The following CDH18 variants were observed in gnomAD, a reference collection of about 807,000 sequenced individuals.
CDH18 encodes cadherin 18, also known as cadherin-18.
CDH18 carries 31 observed loss-of-function variants against 67.9 expected under a neutral mutation model. That is an observed-to-expected ratio of 0.46 (90% CI 0.34 to 0.62). The LOEUF (loss-of-function observed/expected upper bound fraction) is 0.62. Among genes scored for constraint, CDH18 ranks in the 20% least tolerant of loss-of-function variants. The probability of loss-of-function intolerance (pLI) is 0.01; values close to 1 mark genes in which losing one functional copy is unlikely to be tolerated. For missense variants in CDH18, 890 were observed against 975.5 expected (o/e 0.91, Z 1.17); for synonymous variants, 362 against 347.2 (o/e 1.04, Z -0.48).
chr5:19,880,964 T>C (rs1787578710), intron 2 of CDH18, among the ~76,000 whole-genome samples: 1 of 152,162 alleles, frequency 6.6e-6, no homozygotes, highest in African/African-American at 2.4e-5. Flanking sequence ...AATTTCTATT[T>C]ACTCTTACTT....
intron 8 of CDH18, among the ~76,000 whole-genome samples, chr5:19,544,449 AT>A (rs979123679): frequency 5.9e-4 from 90 of 152,212 alleles, no homozygotes; most frequent in Non-Finnish European, 1.5e-4. Flanking sequence ...AGGTTTAAAA[AT>A]AATATAAAAT....
At position 20,561,652 on chromosome 5, in the gene CDH18, G is replaced by A. The variant is rs139396662; in HGVS notation, c.-580+13810C>T. ...TTTTTTAGGGAAGCTCAACTATTCT[G>A]TATGATTCTATAATAGTGAATACAT... On this transcript the variant is annotated intron_variant, in intron 1 of 14. Transcript: ENST00000507958. Among the ~76,000 whole-genome samples, 27 of 152,046 alleles carry A rather than the reference G, an allele frequency of 1.8e-4. No individual in the cohort carries two copies. In the East Asian group the frequency reaches 4.6e-3, roughly 26 times the overall value.
intron 8 of CDH18, among the ~76,000 whole-genome samples, chr5:19,561,709 A>G (rs559923577): frequency 6.6e-6 from 1 of 152,266 alleles, no homozygotes; most frequent in African/African-American, 2.4e-5. Context: ...TAAATGTGTT[A>G]TAATTATGTT....
chr5:19,662,430 T>C (rs887170919), intron 5 of CDH18, among the ~76,000 whole-genome samples: 7 of 152,048 alleles, frequency 4.6e-5, no homozygotes, highest in South Asian at 2.1e-4. Flanking sequence ...AAGGTAAATA[T>C]AACCATACAA....
At chr5:19,491,039 G>A (rs1456560697) in intron 11 of CDH18, among the ~76,000 whole-genome samples, 1 of 152,142 alleles carries the variant, frequency 6.6e-6, no homozygotes, top group Non-Finnish European at 1.5e-5. Flanking sequence ...GGTCAAGATT[G>A]TATACATGCT....
rs555342682 is a variant in CDH18, at chr5:20,443,340, C to G, written c.-580+132122G>C. ...GATACATCCATCGTAAATGGTAAAA[C>G]TATGTTTGGTATCCCTAAACCACAT... On this transcript the variant is annotated intron_variant, in intron 1 of 14. Coordinates refer to the CDH18 transcript ENST00000507958. Among the ~76,000 whole-genome samples the G allele has an allele frequency of 3.0e-4, 45 of 150,636 alleles. 1 individual carries two copies. Among genetic ancestry groups the G allele is most frequent in the African/African-American group, 1.1e-3 (44 of 40,730 alleles).
At chr5:19,802,347 A>C (rs1777557641) in intron 3 of CDH18, among the ~76,000 whole-genome samples, 1 of 152,156 alleles carries the variant, frequency 6.6e-6, no homozygotes. Context: ...TTTTAGTTTT[A>C]TATATATAAC....
At chr5:20,437,541 G>T (rs1355578226) in intron 1 of CDH18, among the ~76,000 whole-genome samples, 6 of 150,996 alleles carry the variant, frequency 4.0e-5, no homozygotes, top group Non-Finnish European at 5.9e-5. Context: ...TTTATGAGTA[G>T]TCTCTTGGTT....
chr5:19,996,144 C>T (rs559841679), intron 2 of CDH18, among the ~76,000 whole-genome samples: 1 of 152,026 alleles, frequency 6.6e-6, no homozygotes, highest in African/African-American at 2.4e-5. Flanking sequence ...TACCAATGTG[C>T]ATTTATGCCC....
intron 2 of CDH18, among the ~76,000 whole-genome samples, chr5:20,131,711 C>T (rs1749280391): frequency 6.6e-6 from 1 of 151,946 alleles, no homozygotes; most frequent in African/African-American, 2.4e-5. Context: ...GAACTTTATG[C>T]TATATTGATT....
At chr5:19,952,039 A>G (rs546259733) in intron 2 of CDH18, among the ~76,000 whole-genome samples, 42 of 151,990 alleles carry the variant, frequency 2.8e-4, no homozygotes, top group African/African-American at 9.4e-4. Context: ...ATACTTTTCC[A>G]ATTTATTTTA....
intron 2 of CDH18, among the ~76,000 whole-genome samples, chr5:20,060,112 G>A (rs1421321765): frequency 6.6e-6 from 1 of 151,998 alleles, no homozygotes; most frequent in Non-Finnish European, 1.5e-5. Context: ...TATCCCACAA[G>A]TTAAAATATA....
intron 1 of CDH18, among the ~76,000 whole-genome samples, chr5:20,343,316 G>A (rs1740424320): frequency 6.6e-6 from 1 of 152,100 alleles, no homozygotes; most frequent in Admixed American, 6.5e-5. Flanking sequence ...AAACTTATAG[G>A]TTGAATGGAC....
intron 1 of CDH18, among the ~76,000 whole-genome samples, chr5:20,327,040 A>G (rs564475889): frequency 1.8e-4 from 27 of 152,270 alleles, no homozygotes; most frequent in African/African-American, 5.5e-4. Context: ...TTGATATTCT[A>G]TTTGCAGATA....
chr5:19,803,390 T>A (rs10075169), intron 3 of CDH18, among the ~76,000 whole-genome samples: 65,895 of 152,066 alleles, frequency 0.43, 14,884 homozygotes, highest in Middle Eastern at 0.59. Flanking sequence ...TTGTAACTGA[T>A]AGCTTAGACA....
chr5:20,455,809 T>G (rs1581032682), intron 1 of CDH18, among the ~76,000 whole-genome samples: 1 of 152,226 alleles, frequency 6.6e-6, no homozygotes, highest in Admixed American at 6.5e-5. Flanking sequence ...TACTTAAAAT[T>G]GAATTATCTG....
intron 1 of CDH18, among the ~76,000 whole-genome samples, chr5:20,558,807 A>T (rs1428882615): frequency 1.3e-5 from 2 of 152,012 alleles, no homozygotes; most frequent in Non-Finnish European, 2.9e-5. Context: ...AGGGCCAGTA[A>T]GATTTTTTAA....
At chr5:19,641,232 A>G (rs1366872726) in intron 5 of CDH18, among the ~76,000 whole-genome samples, 1 of 151,916 alleles carries the variant, frequency 6.6e-6, no homozygotes, top group African/African-American at 2.4e-5. Flanking sequence ...AGGACCAGGT[A>G]TCTTCATGGT....
intron 1 of CDH18, among the ~76,000 whole-genome samples, chr5:20,297,970 T>C (rs928794567): frequency 6.6e-6 from 1 of 152,228 alleles, no homozygotes; most frequent in Non-Finnish European, 1.5e-5. Flanking sequence ...TTCTGATAAG[T>C]AACCGGAAGG....
Sources: allele counts gnomAD v4.1 joint callset (sites outside exome capture counted in the v4.1 genomes callset), GRCh38; gene constraint gnomAD v4.1.1; transcripts MANE v1.5; gene names NCBI Gene and HGNC (gene_info 2026-07-23, HGNC 2026-07-21).